The following VPS39 variants were observed in gnomAD, a reference collection of about 807,000 sequenced individuals.
VPS39 encodes the protein VPS39 subunit of HOPS complex.
A neutral mutation model predicts 121.0 loss-of-function variants in VPS39; 70 were observed. The ratio of observed to expected loss-of-function variants is 0.58; its 90% CI spans 0.48 to 0.71. VPS39 has a LOEUF of 0.71. Ranked by LOEUF, VPS39 falls within the 30% of genes least tolerant of loss-of-function variation. The pLI is 0.00. For missense variants in VPS39, 818 were observed against 1,051.5 expected, an observed-to-expected ratio of 0.78 and a Z score of 3.07; for synonymous variants, 378 against 398.1, an observed-to-expected ratio of 0.95 and a Z score of 0.60.
intron 8 of VPS39, chr15:42,178,953 G>T (rs950340019): frequency 1.1e-5 from 2 of 182,286 alleles, no homozygotes; most frequent in Non-Finnish European, 2.4e-5. Context: ...GCTGCAATGA[G>T]CCATAACTGC....
chr15:42,172,380 C>T (rs1440210856), intron 11 of VPS39, among the ~76,000 whole-genome samples: 1 of 152,178 alleles, frequency 6.6e-6, no homozygotes, highest in Non-Finnish European at 1.5e-5. Flanking sequence ...GATCTTCTAG[C>T]CCCGATTTCA....
rs1431132124 is a variant in VPS39, at chr15:42,159,762, G to A, written c.*992C>T. The A allele has an allele frequency of 6.6e-6, 1 of 152,548 alleles. No individual in the cohort carries two copies. The highest frequency in any genetic ancestry group is 1.5e-5 in the Non-Finnish European group (1 of 68,270). 9.4% of individuals were successfully genotyped at this position (152,548 alleles called of 1,614,324 possible). A position where few individuals can be genotyped will look rare whatever the true frequency, so the allele number is the denominator to read the frequency against. On this transcript the variant is annotated 3_prime_UTR_variant, in exon 25 of 25. Transcript: ENST00000318006. Reference sequence around the variant, plus strand: ...ACGGCCAGGGCAGGCTGTAAGGCAAGTGAATGGAAACTGGCTGGAAAAAGA... The same window carrying A: ...ACGGCCAGGGCAGGCTGTAAGGCAAATGAATGGAAACTGGCTGGAAAAAGA...
intron 4 of VPS39, among the ~76,000 whole-genome samples, chr15:42,190,545 ATCCTGCCAATC>A (rs1192535608): frequency 2.0e-5 from 3 of 152,156 alleles, no homozygotes; most frequent in African/African-American, 7.2e-5. Context: ...CTTACCTGAT[ATCCTGCCAATC>A]TCCACCACAT....
chr15:42,167,522 C>A lies in VPS39; in HGVS notation c.1249G>T (p.Val417Leu). The change falls in exon 13 of 25, where the codon GTA (valine) becomes TTA (leucine). Residue 417 changes from valine (V) to leucine (L), a missense_variant. Val to Leu is a conservative substitution (Grantham distance 32, BLOSUM62 1). Coordinates refer to ENST00000318006, the MANE Select transcript of VPS39 (RefSeq NM_015289.5). Reference sequence around the variant, plus strand: ...TGATCAGAGTCATTCAGCTTCTTTACCAATTGACTTCGTTTCTGCAAAGGT... The same window carrying A: ...TGATCAGAGTCATTCAGCTTCTTTAACAATTGACTTCGTTTCTGCAAAGGT... ...DYLTQKRSQL[V>L]KKLNDSDHQS... 3 of 1,614,062 alleles carry A rather than the reference C, an allele frequency of 1.9e-6. No individual in the cohort carries two copies. Among genetic ancestry groups the A allele is most frequent in the Non-Finnish European group, 2.5e-6 (3 of 1,179,992 alleles).
Position 42,187,801 on chromosome 15 carries a change from A to G in VPS39, c.398T>C (p.Leu133Pro). 6.2e-7 allele frequency: 1 copy of G among 1,614,234 alleles called. No homozygotes were observed. Among genetic ancestry groups the G allele is most frequent in the Admixed American group, 1.7e-5 (1 of 60,026 alleles). Residue 133 changes from leucine to proline, a missense_variant, in exon 6 of 25, where the codon CTG (leucine) becomes CCG (proline). Coordinates refer to ENST00000318006, the MANE Select transcript of VPS39 (RefSeq NM_015289.5). ...LRMCVAVKKKLQLYFWKDREF... is the reference protein window; with the variant it reads ...LRMCVAVKKKPQLYFWKDREF... ...CCTGTCCTTCCAGAAATAGAGCTGC[A>G]GCTTCTTTTTTACTGCCACACACAT...
At chr15:42,184,817 A>G in intron 7 of VPS39, 117 bp from the exon 8 acceptor site, 3 of 992,168 alleles carry the variant, frequency 3.0e-6, no homozygotes, top group Non-Finnish European at 4.5e-6. Context: ...TGTTTGACAT[A>G]AGAAAATGTT....
chr15:42,191,002 T>C (rs672946), intron 4 of VPS39, 123 bp downstream of exon 4: 23,933 of 1,075,322 alleles, frequency 0.022, 1,457 homozygotes, highest in Admixed American at 0.15. Context: ...TACCCTGTTA[T>C]ACCAGGTTTG....
intron 21 of VPS39, 58 bp downstream of exon 21, chr15:42,163,292 G>C: frequency 6.2e-7 from 1 of 1,604,598 alleles, no homozygotes; most frequent in Non-Finnish European, 8.5e-7. Context: ...GCCACCTCTG[G>C]TCAAACCAAC....
chr15:42,167,505 G>A lies in VPS39; in HGVS notation c.1266C>T (p.Asp422=). The stretch of plus-strand genomic sequence containing the variant: ...GTGAGGTGCTTGACTGGTGATCAGA[G>A]TCATTCAGCTTCTTTACCAATTGAC... ...KRSQLVKKLN[D]SDHQSSTSPL... Residue 422 remains aspartate, a synonymous_variant, in exon 13 of 25, where the codon GAC becomes GAT. Coordinates refer to ENST00000318006, the MANE Select transcript of VPS39 (RefSeq NM_015289.5). 6.2e-7 allele frequency: 1 copy of A among 1,614,156 alleles called. No homozygotes were observed. The highest frequency in any genetic ancestry group is 8.5e-7 in the Non-Finnish European group (1 of 1,180,028).
At position 42,165,759 on chromosome 15, in the gene VPS39, A is replaced by T; in HGVS notation, c.1738T>A (p.Phe580Ile). The change falls in exon 17 of 25, where the codon TTC (phenylalanine) becomes ATC (isoleucine). Residue 580 changes from phenylalanine to isoleucine, a missense_variant. Physicochemically the swap from Phe to Ile is conservative, Grantham distance 21. Transcript: ENST00000318006. ...AGACCCTTAAAATTCTCTATTAAGA[A>T]GCCGAGGACTCGATCACGTGGCAGA... ...ESLPRDRVLG[F>I]LIENFKGLAI... 6.2e-7 allele frequency: 1 copy of T among 1,614,220 alleles called. No homozygotes were observed. Among genetic ancestry groups the T allele is most frequent in the Non-Finnish European group, 8.5e-7 (1 of 1,180,040 alleles).
chr15:42,203,531 A>AG lies in VPS39; in HGVS notation c.74-3571dup, dbSNP rs200501759. On this transcript the variant is annotated intron_variant, in intron 1 of 24. Transcript: ENST00000318006. Reference sequence around the variant, plus strand: ...GTGAGCACCTGTAATCCCAGGTACTAGGGAGGCTGAGACAGGAGAACCACT... The same window carrying AG: ...GTGAGCACCTGTAATCCCAGGTACTAGGGGAGGCTGAGACAGGAGAACCACT... Among the ~76,000 whole-genome samples, 1,214 of 151,816 alleles carry AG rather than the reference A, an allele frequency of 8.0e-3. 8 individuals are homozygous for AG. Among genetic ancestry groups the AG allele is most frequent in the Middle Eastern group, 0.037 (11 of 294 alleles).
chr15:42,186,484 TAG>T (rs940091509), intron 7 of VPS39, among the ~76,000 whole-genome samples: 10 of 152,072 alleles, frequency 6.6e-5, no homozygotes, highest in Non-Finnish European at 1.0e-4. Flanking sequence ...CAGTGGAAGG[TAG>T]AGAGAGAGGC....
At chr15:42,205,640 T>C (rs1459736173) in intron 1 of VPS39, among the ~76,000 whole-genome samples, 1 of 152,178 alleles carries the variant, frequency 6.6e-6, no homozygotes, top group East Asian at 1.9e-4. Context: ...TTATTCTAGT[T>C]GTGATGTGAT....
rs201943739 is a variant in VPS39, at chr15:42,167,385, G to A, written c.1377+9C>T. On this transcript the variant is annotated intron_variant, in intron 13 of 24. Transcript: ENST00000318006. ...GGAATTGTGGCACCCGAGCGCTCAG[G>A]TAACTCACATGGAGATAGCACTTGA... The A allele has an allele frequency of 4.6e-5, 75 of 1,613,986 alleles. No individual in the cohort carries two copies. In the East Asian group the frequency reaches 1.6e-3, roughly 35 times the overall value.
chr15:42,191,975 A>G, intron 2 of VPS39: 1 of 1,438,538 alleles, frequency 7.0e-7, no homozygotes. Context: ...AATTTCCAGC[A>G]ACTATTCTAA....
chr15:42,176,805 T>C (rs1466213369), intron 10 of VPS39, among the ~76,000 whole-genome samples: 1 of 152,196 alleles, frequency 6.6e-6, no homozygotes, highest in Non-Finnish European at 1.5e-5. Flanking sequence ...AGAAATAGTT[T>C]ACAGGATACT....
At chr15:42,169,629 C>G in intron 12 of VPS39, 95 bp downstream of exon 12, 1 of 1,385,052 alleles carries the variant, frequency 7.2e-7, no homozygotes, top group Non-Finnish European at 9.7e-7. Context: ...TACAGACTGC[C>G]TTGGCATTAG....
chr15:42,168,544 T>C (rs2049289078), intron 12 of VPS39, among the ~76,000 whole-genome samples: 1 of 133,990 alleles, frequency 7.5e-6, no homozygotes, highest in Admixed American at 7.2e-5. Context: ...ATACTTCTTC[T>C]TTTTTTTTTT....
chr15:42,191,445 A>AG (rs1443911631), intron 3 of VPS39, 51 bp downstream of exon 3: 1 of 1,543,930 alleles, frequency 6.5e-7, no homozygotes, highest in Non-Finnish European at 8.9e-7. Context: ...CTAGTCTGAC[A>AG]GGGTCTCATG....
Sources: gnomAD v4.1 joint callset for allele counts (sites outside exome capture counted in the v4.1 genomes callset) on GRCh38, gnomAD v4.1.1 for gene constraint, MANE v1.5 for transcripts, NCBI Gene and HGNC (gene_info 2026-07-23, HGNC 2026-07-21) for gene names.